GSE1: variants seen among roughly 807,000 people sequenced by gnomAD.
The protein encoded by GSE1 is genetic suppressor element 1.
A neutral mutation model predicts 112.6 loss-of-function variants in GSE1; 32 were observed. The ratio of observed to expected loss-of-function variants is 0.28; its 90% CI spans 0.21 to 0.38. The LOEUF is 0.38. GSE1 is among the 10% of genes least tolerant of loss of function. GSE1 has a pLI of 1.00. For synonymous variants in GSE1, 1,115 were observed against 735.6 expected (o/e 1.52, Z -8.35); for missense variants, 2,348 against 1,699.2 (o/e 1.38, Z -6.71).
At chr16:85,170,066 C>G in exon 1 of GSE1, 1 of 984,924 alleles carries the variant, frequency 1.0e-6, no homozygotes. Context: ...GACACCGACC[C>G]CCTTTCCGAG....
At chr16:85,424,738 G>T (rs2048928645) in intron 2 of GSE1, among the ~76,000 whole-genome samples, 2 of 152,218 alleles carry the variant, frequency 1.3e-5, no homozygotes, top group Non-Finnish European at 2.9e-5. Flanking sequence ...GGCTCCTCAC[G>T]CCCCGAGTCG....
intron 1 of GSE1, among the ~76,000 whole-genome samples, chr16:85,625,862 G>A (rs1029026525): frequency 6.6e-6 from 1 of 152,132 alleles, no homozygotes; most frequent in African/African-American, 2.4e-5. Context: ...TCCTGCCGTG[G>A]CTCAGTGAGC....
chr16:85,478,017 C>G (rs1031876477), intron 2 of GSE1, among the ~76,000 whole-genome samples: 3 of 152,142 alleles, frequency 2.0e-5, no homozygotes, highest in Non-Finnish European at 4.4e-5. Context: ...CATTAGCGGT[C>G]ACTCCGCGCT....
intron 2 of GSE1, among the ~76,000 whole-genome samples, chr16:85,545,732 C>T (rs2044671007): frequency 6.6e-6 from 1 of 152,122 alleles, no homozygotes; most frequent in Non-Finnish European, 1.5e-5. Context: ...GAAAGGAGAC[C>T]TAGAGACCTA....
chr16:85,379,261 A>T (rs1286123300), intron 2 of GSE1, among the ~76,000 whole-genome samples: 2 of 152,194 alleles, frequency 1.3e-5, no homozygotes, highest in Admixed American at 6.5e-5. Context: ...ATCAACTCCA[A>T]TCCTGGTCTG....
rs531953282 is a variant in GSE1 at position 85,676,135 on chromosome 16, T to C, written c.*3596T>C. ...AATATTATTTGTTGAATGTAGTAAT[T>C]AGGTATTTATGAATATATTGCTGTA... is the stretch of plus-strand genomic sequence containing the variant. On this transcript the variant is annotated 3_prime_UTR_variant, in exon 16 of 16. Coordinates refer to ENST00000253458, the MANE Select transcript of GSE1 (RefSeq NM_014615.5). The C allele has an allele frequency of 6.5e-6, 1 of 152,778 alleles. No individual in the cohort carries two copies. The highest frequency in any genetic ancestry group is 2.4e-5 in the African/African-American group (1 of 41,590). The allele number at this position is 152,778 out of a possible 1,614,324, so 9.5% of individuals were successfully genotyped here. A position where few individuals can be genotyped will look rare whatever the true frequency, so the allele number is the denominator to read the frequency against.
At chr16:85,658,011 G>A (rs1021189888) in intron 8 of GSE1, among the ~76,000 whole-genome samples, 2 of 152,202 alleles carry the variant, frequency 1.3e-5, no homozygotes, top group African/African-American at 4.8e-5. Context: ...GAAGGGGACA[G>A]CTTTTGATTT....
At chr16:85,530,918 C>T (rs1159376474) in intron 2 of GSE1, among the ~76,000 whole-genome samples, 1 of 152,232 alleles carries the variant, frequency 6.6e-6, no homozygotes, top group Non-Finnish European at 1.5e-5. Flanking sequence ...TGGCCACTCC[C>T]TGGACAGTGA....
chr16:85,383,245 C>T (rs729168), intron 2 of GSE1, among the ~76,000 whole-genome samples: 42,737 of 151,990 alleles, frequency 0.28, 7,016 homozygotes, highest in East Asian at 0.47. Flanking sequence ...CATGCACACA[C>T]AGCCTGTCAC....
intron 1 of GSE1, among the ~76,000 whole-genome samples, chr16:85,244,068 G>A (rs183404822): frequency 1.1e-4 from 16 of 152,326 alleles, no homozygotes; most frequent in African/African-American, 1.7e-4. Context: ...AGAGGTTGCC[G>A]TGAGCGGAGA....
At chr16:85,382,393 G>C (rs1183128293) in intron 2 of GSE1, among the ~76,000 whole-genome samples, 1 of 152,208 alleles carries the variant, frequency 6.6e-6, no homozygotes, top group Non-Finnish European at 1.5e-5. Context: ...ATAGGCCCTG[G>C]ACGAGGGCTC....
At chr16:85,408,129 C>CA (rs2048362264) in intron 2 of GSE1, among the ~76,000 whole-genome samples, 1 of 44,350 alleles carries the variant, frequency 2.3e-5, no homozygotes, top group Non-Finnish European at 4.2e-5. Context: ...CTCTCAGGCC[C>CA]CCTGGATAAT....
intron 2 of GSE1, among the ~76,000 whole-genome samples, chr16:85,463,920 TGAACAGCAACTCAGGCTACCAA>T (rs2050051587): frequency 6.6e-6 from 1 of 152,088 alleles, no homozygotes; most frequent in Non-Finnish European, 1.5e-5. Context: ...AAGCCTTCCA[TGAACAGCAACTCAGGCTACCAA>T]GGTCCCTTTG....
chr16:85,668,325 G>A lies in GSE1; in HGVS notation c.3316G>A (p.Glu1106Lys), dbSNP rs201087032. 4 of 1,613,030 alleles carry A rather than the reference G, an allele frequency of 2.5e-6. No homozygotes were observed. The highest frequency in any genetic ancestry group is 3.3e-5 in the Admixed American group (2 of 60,016). The change falls in exon 14 of 16, where the codon GAG becomes AAG. Residue 1106 changes from glutamate (E) to lysine (K), a missense_variant. Coordinates refer to ENST00000253458, the MANE Select transcript of GSE1 (RefSeq NM_014615.5). The part of the protein sequence containing the change: ...ELDRDSEEEE[E>K]EDDEDGEDEE... ...GGACCGGGACTCGGAGGAGGAGGAA[G>A]AGGAGGATGATGAAGATGGAGAAGA...
intron 1 of GSE1, among the ~76,000 whole-genome samples, chr16:85,290,797 G>A (rs1392650512): frequency 1.3e-5 from 2 of 151,758 alleles, no homozygotes; most frequent in East Asian, 3.9e-4. Context: ...CAGATGGCCG[G>A]CCAGTGCCAT....
At chr16:85,599,346 C>T (rs1391229770) in intron 1 of GSE1, among the ~76,000 whole-genome samples, 2 of 152,208 alleles carry the variant, frequency 1.3e-5, no homozygotes, top group Non-Finnish European at 2.9e-5. Flanking sequence ...GGTGGTTCCC[C>T]AGGGCTGAGC....
At chr16:85,456,619 TG>T (rs2049835246) in intron 2 of GSE1, among the ~76,000 whole-genome samples, 1 of 150,138 alleles carries the variant, frequency 6.7e-6, no homozygotes, top group South Asian at 2.2e-4. Context: ...TGTGTGTGTG[TG>T]TGTGTGTGTG....
intron 1 of GSE1, among the ~76,000 whole-genome samples, chr16:85,329,511 C>G (rs974131283): frequency 1.3e-5 from 2 of 151,916 alleles, no homozygotes; most frequent in Admixed American, 1.3e-4. Context: ...GACCCTCAGT[C>G]GGGCACCCGC....
At position 85,197,646 on chromosome 16, in the gene GSE1, T is replaced by C. The variant is rs567235393; in HGVS notation, c.2283+25839T>C. Among the ~76,000 whole-genome samples, 82 of 152,332 alleles carry C rather than the reference T, an allele frequency of 5.4e-4. 1 individual carries two copies. In the Middle Eastern group the frequency reaches 0.01, roughly 19 times the overall value. On this transcript the variant is annotated intron_variant, in intron 1 of 2. Transcript: ENST00000637419. ...GCAGACTAAAGTCAATCCCTCTCTA[T>C]GCTAGGAAGCTTGGCAGCTCCCTCC... is the stretch of plus-strand genomic sequence containing the variant.
Sources: allele counts gnomAD v4.1 joint callset (sites outside exome capture counted in the v4.1 genomes callset), GRCh38; gene constraint gnomAD v4.1.1; transcripts MANE v1.5; gene names NCBI Gene and HGNC (gene_info 2026-07-23, HGNC 2026-07-21).